Variants in TPH2 observed in about 807,000 individuals in gnomAD.
The protein encoded by TPH2 is tryptophan 5-hydroxylase 2.
Under a neutral mutation model 59.1 loss-of-function variants are expected in TPH2, and 27 were observed. That is an observed-to-expected ratio of 0.46 (90% confidence interval 0.34 to 0.63). The LOEUF is 0.63. TPH2 is among the 30% of genes least tolerant of loss of function. The pLI, the probability that TPH2 is intolerant of heterozygous loss-of-function variation, is 0.01. For missense variants in TPH2, 523 were observed against 588.3 expected (o/e 0.89, Z 1.15); for synonymous variants, 220 against 210.5 (o/e 1.05, Z -0.39).
At chr12:72,003,074 G>T (rs1270819687) in intron 8 of TPH2, among the ~76,000 whole-genome samples, 2 of 152,186 alleles carry the variant, frequency 1.3e-5, no homozygotes, top group Non-Finnish European at 2.9e-5. Flanking sequence ...GAGGATATTA[G>T]CTTGTTTCCT....
At chr12:72,022,291 T>C in intron 8 of TPH2, 108 bp from the exon 9 acceptor site, 1 of 746,918 alleles carries the variant, frequency 1.3e-6, no homozygotes, top group East Asian at 2.6e-5. Flanking sequence ...TTTAAATTGA[T>C]AATATTGAAG....
chr12:71,992,431 C>T (rs1473054893), intron 7 of TPH2, among the ~76,000 whole-genome samples: 5 of 151,428 alleles, frequency 3.3e-5, no homozygotes, highest in Admixed American at 6.6e-5. Context: ...CCCCCACCCC[C>T]GCCCCTGACA....
At chr12:71,984,786 C>G (rs1592398481) in intron 7 of TPH2, among the ~76,000 whole-genome samples, 1 of 152,162 alleles carries the variant, frequency 6.6e-6, no homozygotes, top group African/African-American at 2.4e-5. Context: ...CCCAGAAAGC[C>G]GGTCATCTGG....
chr12:72,004,920 A>G (rs1049235312), intron 8 of TPH2, among the ~76,000 whole-genome samples: 1 of 152,224 alleles, frequency 6.6e-6, no homozygotes, highest in African/African-American at 2.4e-5. Flanking sequence ...GTATTACTGT[A>G]CATTAGGAGC....
At chr12:71,956,702 C>T (rs539821849) in intron 5 of TPH2, among the ~76,000 whole-genome samples, 5 of 152,102 alleles carry the variant, frequency 3.3e-5, no homozygotes, top group South Asian at 2.1e-4. Context: ...CTTGACCTAT[C>T]GGGCTCAGGT....
intron 5 of TPH2, chr12:71,964,856 T>C (rs1348829333): frequency 1.9e-6 from 1 of 538,016 alleles, no homozygotes; most frequent in Non-Finnish European, 2.4e-6. Context: ...TGTCATGGGG[T>C]TTTGTTGTAC....
intron 8 of TPH2, 103 bp from the exon 9 acceptor site, chr12:72,022,296 T>C (rs1873440632): frequency 1.0e-5 from 8 of 763,360 alleles, no homozygotes; most frequent in Middle Eastern, 2.3e-4. Flanking sequence ...ATTGATAATA[T>C]TGAAGAAATT....
At position 71,941,646 on chromosome 12, in the gene TPH2, A is replaced by G; in HGVS notation, c.168A>G (p.Glu56=). The change falls in exon 2 of 11, where the codon GAA becomes GAG. Residue 56 remains glutamate, a synonymous_variant. Transcript: ENST00000333850. ...GCAACAAGGGAAGCAGCAAACGTGAAGCTGCTACCGAAAGTGGCAAGACAG... is the reference window on the plus strand; with the variant it reads ...GCAACAAGGGAAGCAGCAAACGTGAGGCTGCTACCGAAAGTGGCAAGACAG... ...DKGNKGSSKR[E]AATESGKTAV... is the part of the protein sequence containing the mutation. The G allele has an allele frequency of 6.2e-7, 1 of 1,614,126 alleles. No homozygotes were observed.
chr12:72,014,381 T>C (rs1406143558), intron 8 of TPH2, among the ~76,000 whole-genome samples: 1 of 108,442 alleles, frequency 9.2e-6, no homozygotes, highest in African/African-American at 3.5e-5. Flanking sequence ...CCAGAATTTT[T>C]TTTTTCTTTT....
chr12:71,987,903 T>C (rs968522352), intron 7 of TPH2, among the ~76,000 whole-genome samples: 3 of 152,144 alleles, frequency 2.0e-5, no homozygotes, highest in African/African-American at 7.2e-5. Flanking sequence ...ATCTCCACTT[T>C]ATAGATGAGA....
intron 5 of TPH2, among the ~76,000 whole-genome samples, chr12:71,960,150 C>T (rs1416500492): frequency 6.6e-6 from 1 of 152,036 alleles, no homozygotes; most frequent in Non-Finnish European, 1.5e-5. Flanking sequence ...AGAACAAAAC[C>T]AAATATTTGT....
chr12:71,938,927 G>A lies in TPH2; in HGVS notation c.-60G>A. The A allele has an allele frequency of 7.0e-7, 1 of 1,418,468 alleles. No homozygotes were observed. Among genetic ancestry groups the A allele is most frequent in the Non-Finnish European group, 1.0e-6 (1 of 1,004,402 alleles). 87.9% of individuals were successfully genotyped at this position (1,418,468 alleles called of 1,614,324 possible). On this transcript the variant is annotated 5_prime_UTR_variant, in exon 1 of 11. Transcript: ENST00000333850. ...CGCCCCTTCCTCTCAATCTCCGCCA[G>A]CGCTGCTACTGCCCCTCTAGTACCC...
intron 9 of TPH2, among the ~76,000 whole-genome samples, chr12:72,025,388 A>G (rs1336680839): frequency 1.3e-5 from 2 of 152,108 alleles, no homozygotes; most frequent in African/African-American, 2.4e-5. Context: ...AACAGAACAC[A>G]TTCTATACTT....
intron 7 of TPH2, among the ~76,000 whole-genome samples, chr12:71,979,961 GAC>G (rs1392867525): frequency 2.6e-5 from 4 of 152,028 alleles, no homozygotes; most frequent in African/African-American, 9.7e-5. Context: ...CATACAGACA[GAC>G]AGACAGACAG....
At chr12:71,947,246 G>C (rs1871220556) in intron 4 of TPH2, among the ~76,000 whole-genome samples, 1 of 152,082 alleles carries the variant, frequency 6.6e-6, no homozygotes, top group Non-Finnish European at 1.5e-5. Context: ...TGATGCCAGG[G>C]CCTCTGGGAA....
intron 8 of TPH2, among the ~76,000 whole-genome samples, chr12:72,001,263 T>C (rs1005361465): frequency 6.6e-6 from 1 of 152,170 alleles, no homozygotes; most frequent in Admixed American, 6.6e-5. Context: ...GTAATGCTGA[T>C]GAGAGAAGAG....
chr12:71,969,894 T>C (rs901591580), intron 5 of TPH2, among the ~76,000 whole-genome samples: 3 of 152,156 alleles, frequency 2.0e-5, no homozygotes, highest in African/African-American at 4.8e-5. Context: ...TCCTCATCCA[T>C]AAAATGGAGA....
chr12:71,987,844 C>A (rs117456645), intron 7 of TPH2, among the ~76,000 whole-genome samples: 2 of 152,242 alleles, frequency 1.3e-5, no homozygotes, highest in African/African-American at 4.8e-5. Flanking sequence ...AAGAGTGAAA[C>A]TCCATCTCAA....
chr12:72,017,745 A>G (rs1873298446), intron 8 of TPH2, among the ~76,000 whole-genome samples: 1 of 152,138 alleles, frequency 6.6e-6, no homozygotes. Flanking sequence ...ACATCTGGAG[A>G]ATTATCTGAG....
Sources: gnomAD v4.1 joint callset for allele counts (sites outside exome capture counted in the v4.1 genomes callset) on GRCh38, gnomAD v4.1.1 for gene constraint, MANE v1.5 for transcripts, NCBI Gene and HGNC (gene_info 2026-07-23, HGNC 2026-07-21) for gene names.